PSG4: variants seen among roughly 807,000 people sequenced by gnomAD.
The protein encoded by PSG4 is pregnancy specific beta-1-glycoprotein 4, also known as pregnancy-specific beta-1-glycoprotein 4.
A neutral mutation model predicts 44.3 loss-of-function variants in PSG4; 61 were observed. The observed-to-expected ratio is 1.38, with a 90% CI of 1.12 to 1.70. The LOEUF is 1.70. PSG4 is among the 40% of genes most tolerant of loss of function. The probability of loss-of-function intolerance (pLI) is 0.00; values close to 1 mark genes in which losing one functional copy is unlikely to be tolerated. For missense variants in PSG4, 677 were observed against 511.7 expected, an observed-to-expected ratio of 1.32 and a Z score of -3.12; for synonymous variants, 248 against 191.3, an observed-to-expected ratio of 1.30 and a Z score of -2.45.
rs185719294 is a variant in PSG4, at chr19:43,199,316, G to T, written c.431-1041C>A. Among the ~76,000 whole-genome samples, 17 of 145,354 alleles carry T rather than the reference G, an allele frequency of 1.2e-4. 1 individual carries two copies. Among genetic ancestry groups the T allele is most frequent in the Non-Finnish European group, 1.5e-5 (1 of 67,162 alleles). Reference sequence around the variant, plus strand: ...GTAGAATAGTAGTTTGCAGGAGTTGGGATCAGGGGAATAGGGTGTTGTTCC... The same window carrying T: ...GTAGAATAGTAGTTTGCAGGAGTTGTGATCAGGGGAATAGGGTGTTGTTCC... On this transcript the variant is annotated intron_variant, in intron 2 of 5. Transcript: ENST00000405312.
rs1208401581 is a variant in PSG4 at position 43,198,185 on chromosome 19, G to A, written c.521C>T (p.Pro174Leu). 1 of 1,587,646 alleles carries A rather than the reference G, an allele frequency of 6.3e-7. No homozygotes were observed. The highest frequency in any genetic ancestry group is 8.5e-7 in the Non-Finnish European group (1 of 1,171,880). ...CATCCACCACTGGTAGCTTGCGGCT[G>A]GAGTCGCAGGATCACAGGTTAAGAT... ...AVILTCDPATPAASYQWWMNG... is the reference protein window; with the variant it reads ...AVILTCDPATLAASYQWWMNG... Residue 174 changes from proline to leucine, a missense_variant, in exon 3 of 6, where the codon CCA becomes CTA. By Grantham distance (98) the Pro-to-Leu change is moderately conservative. Transcript: ENST00000405312.
rs372257191 is a variant in PSG4 at position 43,195,122 on chromosome 19, C to T, written c.861G>A (p.Lys287=). The T allele has an allele frequency of 2.7e-5, 44 of 1,610,718 alleles. 1 individual carries two copies. The highest frequency in any genetic ancestry group is 3.6e-5 in the Non-Finnish European group (42 of 1,179,086). The stretch of plus-strand genomic sequence containing the variant: ...TGAGGATCCTGTTTTCAATGGGTCG[C>T]TTTACCCTGGGACTGACAGGGAGGC... ...GQSLPVSPRV[K]RPIENRILIL... is the part of the protein sequence containing the mutation. Residue 287 remains lysine, a synonymous_variant, in exon 4 of 6, where the codon AAG becomes AAA. Transcript: ENST00000405312.
rs775338003 is a variant in PSG4 at position 43,204,129 on chromosome 19, C to T, written c.187G>A (p.Ala63Thr). 11 of 1,587,284 alleles carry T rather than the reference C, an allele frequency of 6.9e-6. 2 individuals carry two copies. Among genetic ancestry groups the T allele is most frequent in the East Asian group, 2.7e-5 (1 of 37,540 alleles). ...TGCCCTTTGTACCAAATGTAGCCAG[C>T]AAGATTCTGGGGCAAATTGTGGACA... ...LLVHNLPQNL[A>T]GYIWYKGQMT... The change falls in exon 2 of 6, where the codon GCT becomes ACT. Residue 63 changes from alanine (A) to threonine (T), a missense_variant. Coordinates refer to ENST00000405312, the MANE Select transcript of PSG4 (RefSeq NM_002780.5).
Position 43,193,210 on chromosome 19 carries a change from C to A in PSG4, c.*162G>T. The A allele has an allele frequency of 1.3e-6, 1 of 761,770 alleles. No individual in the cohort carries two copies. The highest frequency in any genetic ancestry group is 2.4e-6 in the Non-Finnish European group (1 of 416,090). The allele number at this position is 761,770 out of a possible 1,614,324, so 47.2% of individuals were successfully genotyped here. The stretch of plus-strand genomic sequence containing the variant: ...GAGTAGCTGTTGTTATGGTGTCGAA[C>A]ATTTTGGTGAGTTCTGAGTGGCTCA... On this transcript the variant is annotated 3_prime_UTR_variant, in exon 6 of 6. Coordinates refer to ENST00000405312, the MANE Select transcript of PSG4 (RefSeq NM_002780.5).
At chr19:43,194,878 G>A (rs1276069335) in intron 4 of PSG4, 117 bp downstream of exon 4, 22 of 1,536,136 alleles carry the variant, frequency 1.4e-5, no homozygotes, top group Admixed American at 4.0e-5. Context: ...TGGCCACCTC[G>A]GATGTCCAGA....
At chr19:43,194,708 C>A in intron 4 of PSG4, 114 bp from the exon 5 acceptor site, 3 of 1,485,598 alleles carry the variant, frequency 2.0e-6, no homozygotes, top group Non-Finnish European at 2.7e-6. Context: ...CAAGTCCCAG[C>A]CAAACTCCCT....
rs1296340509 is a variant in PSG4 at position 43,197,972 on chromosome 19, T to C, written c.709+25A>G. ...TGTGTATTTGGGATGGCAGCCTGGC[T>C]CACAGAGGAACAGAGGATACTCACG... On this transcript the variant is annotated intron_variant, in intron 3 of 5. Transcript: ENST00000405312. 31 of 1,587,396 alleles carry C rather than the reference T, an allele frequency of 2.0e-5. 2 individuals are homozygous for C. Among genetic ancestry groups the C allele is most frequent in the Middle Eastern group, 3.3e-4 (2 of 5,980 alleles).
chr19:43,194,560 G>A lies in PSG4; in HGVS notation c.1023C>T (p.Phe341=). The A allele has an allele frequency of 6.2e-7, 1 of 1,612,320 alleles. No individual in the cohort carries two copies. The highest frequency in any genetic ancestry group is 8.5e-7 in the Non-Finnish European group (1 of 1,179,014). ...GGTTTTCTCCTGAACGGTAATAGGT[G>A]AATGAAGGGTAAATGCTGGGGAGGT... ...GPDLPSIYPS[F]TYYRSGENLY... is the part of the protein sequence containing the mutation. Residue 341 remains phenylalanine, a synonymous_variant, in exon 5 of 6, where the codon TTC becomes TTT. Coordinates refer to ENST00000405312, the MANE Select transcript of PSG4 (RefSeq NM_002780.5).
At chr19:43,197,842 A>G (rs1412971760) in intron 3 of PSG4, 155 bp downstream of exon 3, 2 of 1,457,012 alleles carry the variant, frequency 1.4e-6, no homozygotes, top group African/African-American at 3.2e-5. Flanking sequence ...GCCTAGGCCT[A>G]CTCTGGTTTG....
At position 43,195,063 on chromosome 19, in the gene PSG4, G is replaced by A; in HGVS notation, c.920C>T (p.Pro307Leu). The A allele has an allele frequency of 1.2e-6, 2 of 1,611,690 alleles. No homozygotes were observed. The highest frequency in any genetic ancestry group is 2.2e-5 in the East Asian group (1 of 44,858). ...LPNVTRNETG[P>L]YQCEIRDRYG... ...TCGGTCCCGTATTTCACATTGATAAGGTCCTGTTTCATTTCTCGTGACATT... is the reference window on the plus strand; with the variant it reads ...TCGGTCCCGTATTTCACATTGATAAAGTCCTGTTTCATTTCTCGTGACATT... The change falls in exon 4 of 6, where the codon CCT becomes CTT. Residue 307 changes from proline to leucine, a missense_variant. Coordinates refer to ENST00000405312, the MANE Select transcript of PSG4 (RefSeq NM_002780.5).
rs189743457 is a variant in PSG4, at chr19:43,195,045, C to T, written c.938G>A (p.Arg313Gln). ...ACTGCGGATGCCACCATATCGGTCCCGTATTTCACATTGATAAGGTCCTGT... is the reference window on the plus strand; with the variant it reads ...ACTGCGGATGCCACCATATCGGTCCTGTATTTCACATTGATAAGGTCCTGT... ...NETGPYQCEI[R>Q]DRYGGIRSDP... Residue 313 changes from arginine (R) to glutamine (Q), a missense_variant, in exon 4 of 6, where the codon CGG becomes CAG. Coordinates refer to ENST00000405312, the MANE Select transcript of PSG4 (RefSeq NM_002780.5). The T allele has an allele frequency of 4.3e-5, 70 of 1,611,870 alleles. 4 individuals are homozygous for T. The highest frequency in any genetic ancestry group is 3.5e-4 in the Middle Eastern group (2 of 5,776).
At position 43,195,268 on chromosome 19, in the gene PSG4, G is replaced by A. The variant is rs375846953; in HGVS notation, c.715C>T (p.Leu239=). 1.8e-5 allele frequency: 29 copies of A among 1,610,132 alleles called. 1 individual carries two copies. The African/African-American group carries it at 3.9e-4, about 22-fold the overall frequency. The change falls in exon 4 of 6, where the codon CTG becomes TTG. Residue 239 remains leucine (L), a synonymous_variant. Coordinates refer to ENST00000405312, the MANE Select transcript of PSG4 (RefSeq NM_002780.5). ...TTGATTGTGATGTAGGGCTTGGACA[G>A]CTTTGCTGTGTGGATAACAGAGAGA... The part of the protein sequence containing the change: ...DPVTLNLLPK[L]SKPYITINNL...
chr19:43,204,946 C>A (rs1967706361), intron 1 of PSG4: 1 of 285,652 alleles, frequency 3.5e-6, no homozygotes. Context: ...ATATGGTGGC[C>A]CCTGATGATT....
chr19:43,201,472 G>T (rs1967506553), intron 2 of PSG4, among the ~76,000 whole-genome samples: 1 of 145,102 alleles, frequency 6.9e-6, no homozygotes, highest in Non-Finnish European at 1.5e-5. Context: ...TAGAACGCGA[G>T]ACTGGTCTTT....
rs201151100 is a variant in PSG4, at chr19:43,194,517, C to T, written c.1066G>A (p.Ala356Thr). ...TATTGTGCCCGTGGGTTAGACTCGG[C>T]GAAGCAGGACAAGTAGAGGTTTTCT... ...SGENLYLSCF[A>T]ESNPRAQYSW... The change falls in exon 5 of 6, where the codon GCC (alanine) becomes ACC (threonine). Residue 356 changes from alanine to threonine, a missense_variant. Coordinates refer to ENST00000405312, the MANE Select transcript of PSG4 (RefSeq NM_002780.5). 61 of 1,612,334 alleles carry T rather than the reference C, an allele frequency of 3.8e-5. 1 individual carries two copies. Among genetic ancestry groups the T allele is most frequent in the African/African-American group, 1.5e-4 (11 of 74,536 alleles).
chr19:43,205,023 TA>T (rs1967710383), intron 1 of PSG4: 1 of 226,220 alleles, frequency 4.4e-6, no homozygotes, highest in Non-Finnish European at 8.3e-6. Context: ...GTGACTTTCC[TA>T]TTTTGACCCT....
At chr19:43,194,745 G>T (rs1967160579) in intron 4 of PSG4, 151 bp from the exon 5 acceptor site, 6 of 1,432,248 alleles carry the variant, frequency 4.2e-6, no homozygotes, top group Non-Finnish European at 5.6e-6. Flanking sequence ...GAAGCCTGAG[G>T]TATTCACCTG....
chr19:43,198,900 A>G (rs900579678), intron 2 of PSG4: 2 of 149,596 alleles, frequency 1.3e-5, no homozygotes, highest in Non-Finnish European at 2.9e-5. Flanking sequence ...GACTTGAGCC[A>G]GTGACCTCTA....
chr19:43,194,410 G>T lies in PSG4; in HGVS notation c.1173C>A (p.Leu391=). The T allele has an allele frequency of 1.9e-6, 3 of 1,612,452 alleles. No individual in the cohort carries two copies. Among genetic ancestry groups the T allele is most frequent in the Non-Finnish European group, 2.5e-6 (3 of 1,179,104 alleles). Residue 391 remains leucine, a synonymous_variant, in exon 5 of 6, where the codon CTC becomes CTA. Transcript: ENST00000405312. ...CTGAGTTACGAACAGAGCAAGCATA[G>T]AGCCCACTATGCTTTGTAGTTATTT... The part of the protein sequence containing the change: ...IPQITTKHSG[L]YACSVRNSAT...
Sources: gnomAD v4.1 joint callset for allele counts (sites outside exome capture counted in the v4.1 genomes callset) on GRCh38, gnomAD v4.1.1 for gene constraint, MANE v1.5 for transcripts, NCBI Gene and HGNC (gene_info 2026-07-23, HGNC 2026-07-21) for gene names.